EVL: variants seen among roughly 807,000 people sequenced by gnomAD.
EVL encodes the protein Enah/Vasp-like.
A neutral mutation model predicts 59.6 loss-of-function variants in EVL; 21 were observed. That is an observed-to-expected ratio of 0.35 (90% confidence interval 0.25 to 0.51). EVL has a LOEUF of 0.51. Ranked by LOEUF, EVL falls within the 20% of genes least tolerant of loss-of-function variation. The probability of loss-of-function intolerance (pLI) is 0.97; values close to 1 mark genes in which losing one functional copy is unlikely to be tolerated. For synonymous variants in EVL, 198 were observed against 203.5 expected (o/e 0.97, Z 0.23); for missense variants, 462 against 546.6 (o/e 0.85, Z 1.54).
chr14:99,971,775 G>C (rs1424761426), exon 1 of EVL: 8 of 129,724 alleles, frequency 6.2e-5, no homozygotes, highest in Non-Finnish European at 1.1e-4. Flanking sequence ...CCCCAGGCAC[G>C]CGCCCGCGCA....
chr14:100,123,471 A>C (rs953955399), intron 3 of EVL, 68 bp from the exon 4 acceptor site: 1 of 1,511,830 alleles, frequency 6.6e-7, no homozygotes, highest in African/African-American at 1.4e-5. Flanking sequence ...GATAGAGAGC[A>C]CTCCAGTTGG....
intron 1 of EVL, among the ~76,000 whole-genome samples, chr14:100,028,136 T>TTTTTG (rs374308419): frequency 0.056 from 6,767 of 121,002 alleles, 229 homozygotes; most frequent in African/African-American, 0.12. Context: ...GTTTGTTTGT[T>TTTTTG]TTTTTTTTTT....
chr14:100,134,178 G>C (rs1293303498), intron 8 of EVL, among the ~76,000 whole-genome samples: 1 of 152,190 alleles, frequency 6.6e-6, no homozygotes, highest in Non-Finnish European at 1.5e-5. Flanking sequence ...CAACTGACTT[G>C]CCATGAATTT....
chr14:100,050,037 C>T (rs1234302920), intron 1 of EVL, among the ~76,000 whole-genome samples: 4 of 152,156 alleles, frequency 2.6e-5, no homozygotes, highest in Non-Finnish European at 4.4e-5. Flanking sequence ...GCAGGATTTA[C>T]GTTAGTCGAT....
At chr14:100,129,467 T>C in intron 6 of EVL, 96 bp from the exon 7 acceptor site, 1 of 1,553,914 alleles carries the variant, frequency 6.4e-7, no homozygotes, top group South Asian at 1.1e-5. Flanking sequence ...GCCATAGGAT[T>C]CACACGCACA....
intron 1 of EVL, among the ~76,000 whole-genome samples, chr14:100,045,409 T>C (rs536398677): frequency 6.6e-6 from 1 of 152,316 alleles, no homozygotes; most frequent in African/African-American, 2.4e-5. Context: ...GACTGCATTA[T>C]GTTTTACTTC....
chr14:100,048,615 C>G (rs915097384), intron 1 of EVL, among the ~76,000 whole-genome samples: 1 of 152,190 alleles, frequency 6.6e-6, no homozygotes, highest in African/African-American at 2.4e-5. Flanking sequence ...AGCAATCCTA[C>G]ATAGTCAGCC....
intron 2 of EVL, among the ~76,000 whole-genome samples, chr14:100,089,561 A>G (rs2062518879): frequency 6.6e-6 from 1 of 152,246 alleles, no homozygotes; most frequent in Non-Finnish European, 1.5e-5. Context: ...AGTGTAAACT[A>G]GAAAATATTT....
intron 1 of EVL, among the ~76,000 whole-genome samples, chr14:100,055,269 T>C (rs555683674): frequency 5.3e-5 from 8 of 152,198 alleles, no homozygotes; most frequent in African/African-American, 1.9e-4. Flanking sequence ...AATGTAATCA[T>C]ATAATATGTG....
chr14:100,141,060 C>T, intron 11 of EVL, 120 bp from the exon 12 acceptor site: 1 of 895,252 alleles, frequency 1.1e-6, no homozygotes, highest in Admixed American at 2.6e-5. Context: ...GAGTCTGAAG[C>T]AAGCAGCCTC....
chr14:100,045,828 T>C (rs766121847), intron 1 of EVL, among the ~76,000 whole-genome samples: 15 of 152,250 alleles, frequency 9.9e-5, no homozygotes, highest in Non-Finnish European at 5.9e-5. Context: ...AATTATGGAA[T>C]GAATCAATGA....
At chr14:100,043,561 G>A (rs1388230607) in intron 1 of EVL, among the ~76,000 whole-genome samples, 4 of 150,822 alleles carry the variant, frequency 2.7e-5, no homozygotes, top group Non-Finnish European at 4.4e-5. Flanking sequence ...AGGAGAAGAA[G>A]TGTCCCAGCT....
chr14:100,006,003 G>T (rs1454102306), intron 1 of EVL, among the ~76,000 whole-genome samples: 6 of 77,016 alleles, frequency 7.8e-5, no homozygotes, highest in African/African-American at 2.6e-4. Context: ...CCTTTTGCTG[G>T]CCATTTCCCC....
intron 3 of EVL, among the ~76,000 whole-genome samples, chr14:100,099,786 G>A (rs117979713): frequency 6.6e-6 from 1 of 151,282 alleles, no homozygotes; most frequent in African/African-American, 2.4e-5. Context: ...TGTTGGCCAG[G>A]ATAGTCTTGA....
intron 6 of EVL, 90 bp downstream of exon 6, chr14:100,128,838 G>A: frequency 8.5e-7 from 1 of 1,176,918 alleles, no homozygotes; most frequent in Non-Finnish European, 1.2e-6. Context: ...GCATCTGCGA[G>A]ACACAGCAAA....
intron 1 of EVL, among the ~76,000 whole-genome samples, chr14:100,003,214 AG>A (rs1246907390): frequency 6.6e-6 from 1 of 152,072 alleles, no homozygotes; most frequent in East Asian, 1.9e-4. Context: ...CCTGCATCTC[AG>A]GAATGGAGTT....
chr14:100,116,801 C>T (rs575384910), intron 3 of EVL, among the ~76,000 whole-genome samples: 20 of 152,304 alleles, frequency 1.3e-4, no homozygotes, highest in African/African-American at 4.8e-4. Context: ...CCACTGTGAA[C>T]ATTTTAGTAT....
chr14:100,119,795 G>C (rs1209916404), intron 3 of EVL, among the ~76,000 whole-genome samples: 1 of 152,208 alleles, frequency 6.6e-6, no homozygotes, highest in Admixed American at 6.5e-5. Context: ...ACAGCAGCTT[G>C]CCTAGGGGTG....
chr14:100,086,077 C>T (rs1203483891), intron 2 of EVL, among the ~76,000 whole-genome samples: 4 of 152,112 alleles, frequency 2.6e-5, no homozygotes, highest in African/African-American at 7.2e-5. Context: ...TGCAGTGAGC[C>T]GAGATCGCAC....
Sources: allele counts gnomAD v4.1 joint callset (sites outside exome capture counted in the v4.1 genomes callset), GRCh38; gene constraint gnomAD v4.1.1; transcripts MANE v1.5; gene names NCBI Gene and HGNC (gene_info 2026-07-23, HGNC 2026-07-21).